KIF4A: variants seen among roughly 807,000 people sequenced by gnomAD.
The protein encoded by KIF4A is kinesin family member 4A.
Under a neutral mutation model 105.9 loss-of-function variants are expected in KIF4A, and 7 were observed. That is an observed-to-expected ratio of 0.07 (90% CI 0.04 to 0.12). The LOEUF (loss-of-function observed/expected upper bound fraction) is 0.12. Among genes scored for constraint, KIF4A ranks in the 10% least tolerant of loss-of-function variants. The probability of loss-of-function intolerance (pLI) is 1.00; values close to 1 mark genes in which losing one functional copy is unlikely to be tolerated. For missense variants in KIF4A, 558 were observed against 929.2 expected (o/e 0.60, Z 5.19); for synonymous variants, 281 against 331.3 (o/e 0.85, Z 1.65).
intron 28 of KIF4A, among the ~76,000 whole-genome samples, chrX:70,416,290 G>A (rs998034925): frequency 1.9e-5 from 2 of 105,314 alleles, no homozygotes; most frequent in Admixed American, 2.1e-4. Context: ...ATTTCAAGCT[G>A]TTGACTCACA....
At chrX:70,308,932 GTA>G (rs2085838370) in intron 7 of KIF4A, among the ~76,000 whole-genome samples, 1 of 112,192 alleles carries the variant, frequency 8.9e-6, no homozygotes, top group African/African-American at 3.2e-5. Flanking sequence ...TGTATCCCGT[GTA>G]TATAAGTCTA....
intron 10 of KIF4A, among the ~76,000 whole-genome samples, chrX:70,340,205 CT>C (rs2085967064): frequency 8.9e-6 from 1 of 111,750 alleles, no homozygotes; most frequent in African/African-American, 3.2e-5. Flanking sequence ...AACAGTAGAA[CT>C]TACCTCATAG....
intron 7 of KIF4A, among the ~76,000 whole-genome samples, chrX:70,311,124 TAAA>T (rs758864494): frequency 1.0e-5 from 1 of 97,401 alleles, no homozygotes. Context: ...GACCCTGTCC[TAAA>T]AAAAAAAAAG....
chrX:70,395,892 C>T, intron 21 of KIF4A, 57 bp from the exon 22 acceptor site: 3 of 1,187,794 alleles, frequency 2.5e-6, no homozygotes, highest in Non-Finnish European at 3.4e-6. Flanking sequence ...ATCCTCATAG[C>T]TTTGGAGGAT....
chrX:70,414,668 G>A (rs1394261326), intron 28 of KIF4A, among the ~76,000 whole-genome samples: 4 of 112,136 alleles, frequency 3.6e-5, no homozygotes, highest in South Asian at 3.7e-4. Context: ...TAAAAATTAC[G>A]TTCAGGGTTT....
At chrX:70,344,262 A>G (rs1179146394) in intron 13 of KIF4A, among the ~76,000 whole-genome samples, 2 of 112,498 alleles carry the variant, frequency 1.8e-5, no homozygotes, top group Non-Finnish European at 3.8e-5. Flanking sequence ...AGCAGCAGTC[A>G]TTGATTTGCT....
rs185967493 is a variant in KIF4A at position 70,346,834 on chromosome X, G to A, written c.1431+2852G>A. 6.8e-3 allele frequency among the ~76,000 whole-genome samples: 756 copies of A among 111,805 alleles called. 2 individuals are homozygous for A. The highest frequency in any genetic ancestry group is 0.019 in the Middle Eastern group (4 of 215). The stretch of plus-strand genomic sequence containing the variant: ...GGAAATACACAACAATGTATCCCAT[G>A]GCTTTTATTAAGACTCACTACAGTG... On this transcript the variant is annotated intron_variant, in intron 13 of 30. Coordinates refer to ENST00000374403, the MANE Select transcript of KIF4A (RefSeq NM_012310.5).
chrX:70,400,803 T>C (rs2086278507), intron 22 of KIF4A, among the ~76,000 whole-genome samples: 1 of 110,895 alleles, frequency 9.0e-6, no homozygotes, highest in African/African-American at 3.3e-5. Flanking sequence ...AGTCTCACTC[T>C]GTCACCCAAG....
chrX:70,396,598 C>CT (rs1324350927), intron 22 of KIF4A, among the ~76,000 whole-genome samples: 3 of 111,365 alleles, frequency 2.7e-5, no homozygotes, highest in African/African-American at 9.8e-5. Context: ...AGTAGTGTCT[C>CT]TAAGATGTAG....
At chrX:70,380,452 C>T (rs2086193125) in intron 18 of KIF4A, among the ~76,000 whole-genome samples, 1 of 112,182 alleles carries the variant, frequency 8.9e-6, no homozygotes, top group Non-Finnish European at 1.9e-5. Context: ...TCAATAGACA[C>T]AGAAAAAGCA....
At chrX:70,341,971 T>C (rs2085974334) in intron 11 of KIF4A, 40 bp downstream of exon 11, 1 of 1,174,230 alleles carries the variant, frequency 8.5e-7, no homozygotes, top group African/African-American at 1.8e-5. Flanking sequence ...TCTGAACATT[T>C]ACTAGCTTTA....
intron 13 of KIF4A, among the ~76,000 whole-genome samples, chrX:70,348,608 G>A (rs944778998): frequency 1.8e-5 from 2 of 110,933 alleles, no homozygotes; most frequent in South Asian, 3.9e-4. Context: ...ATCTTGCACC[G>A]CCCTTAATCC....
chrX:70,351,898 C>CT (rs1453524138), intron 13 of KIF4A, among the ~76,000 whole-genome samples: 1 of 111,377 alleles, frequency 9.0e-6, no homozygotes, highest in Non-Finnish European at 1.9e-5. Flanking sequence ...GCTGTGATTA[C>CT]AGGTGCTCGC....
intron 15 of KIF4A, among the ~76,000 whole-genome samples, chrX:70,370,161 C>T (rs963182715): frequency 9.0e-6 from 1 of 111,181 alleles, no homozygotes; most frequent in Non-Finnish European, 1.9e-5. Context: ...CTATCATGTT[C>T]ACACAATGAT....
chrX:70,375,369 C>G, intron 17 of KIF4A, 21 bp downstream of exon 17: 1 of 1,190,793 alleles, frequency 8.4e-7, no homozygotes, highest in East Asian at 3.0e-5. Flanking sequence ...CTCATCCTTG[C>G]ATTTACCCCC....
chrX:70,300,161 G>A (rs1334376330), intron 5 of KIF4A, among the ~76,000 whole-genome samples: 1 of 111,600 alleles, frequency 9.0e-6, no homozygotes, highest in African/African-American at 3.3e-5. Context: ...AGGTGCCTGT[G>A]CTCCTGATTT....
intron 24 of KIF4A, among the ~76,000 whole-genome samples, chrX:70,404,508 G>C (rs5980928): frequency 0.11 from 9,771 of 87,660 alleles, 354 homozygotes; most frequent in African/African-American, 0.14. Flanking sequence ...CCATTGCACT[G>C]CAGCCTGGGC....
intron 28 of KIF4A, among the ~76,000 whole-genome samples, chrX:70,409,525 C>T (rs1277787171): frequency 9.0e-6 from 1 of 111,308 alleles, no homozygotes; most frequent in African/African-American, 3.3e-5. Flanking sequence ...AGAGGCCAGG[C>T]GTGGCTCATG....
chrX:70,353,245 G>A (rs1275197565), intron 14 of KIF4A, among the ~76,000 whole-genome samples: 1 of 112,063 alleles, frequency 8.9e-6, no homozygotes. Context: ...GAAAATACTA[G>A]GTCAGGTACT....
Sources: allele counts gnomAD v4.1 joint callset (sites outside exome capture counted in the v4.1 genomes callset), GRCh38; gene constraint gnomAD v4.1.1; transcripts MANE v1.5; gene names NCBI Gene and HGNC (gene_info 2026-07-23, HGNC 2026-07-21).